COMMD1: variants seen among roughly 807,000 people sequenced by gnomAD.
COMMD1 encodes the protein copper metabolism domain containing 1, also known as COMM domain-containing protein 1.
In COMMD1, 10 loss-of-function variants were observed where a neutral mutation model predicts 17.2. That is an observed-to-expected ratio of 0.58 (90% CI 0.36 to 0.99). COMMD1 has a LOEUF of 0.99. Among genes scored for constraint, COMMD1 ranks in the 50% least tolerant of loss-of-function variants. COMMD1 has a pLI of 0.01. For missense variants in COMMD1, 270 were observed against 231.8 expected, an observed-to-expected ratio of 1.17 and a Z score of -1.07; for synonymous variants, 97 against 91.6, an observed-to-expected ratio of 1.06 and a Z score of -0.34.
rs187737622 is a variant in COMMD1 at position 61,927,782 on chromosome 2, T to G, written c.180+21924T>G. Among the ~76,000 whole-genome samples, 776 of 152,042 alleles carry G rather than the reference T, an allele frequency of 5.1e-3. 10 individuals carry two copies. The highest frequency in any genetic ancestry group is 0.017 in the African/African-American group (695 of 41,446). Reference sequence around the variant, plus strand: ...CAAAACAGTGGCCTTCTGAAGGTTTTGTTTTGTTTTGAGACTGAGTTTCAC... The same window carrying G: ...CAAAACAGTGGCCTTCTGAAGGTTTGGTTTTGTTTTGAGACTGAGTTTCAC... On this transcript the variant is annotated intron_variant, in intron 1 of 2. Transcript: ENST00000311832.
At chr2:62,025,211 C>T (rs1214661011) in intron 2 of COMMD1, among the ~76,000 whole-genome samples, 1 of 151,902 alleles carries the variant, frequency 6.6e-6, no homozygotes, top group Non-Finnish European at 1.5e-5. Flanking sequence ...CAGAGCGAGA[C>T]TCTGCCTCAA....
upstream of COMMD1, among the ~76,000 whole-genome samples, chr2:61,902,266 G>C (rs138862462): frequency 0.064 from 9,694 of 151,932 alleles, 559 homozygotes; most frequent in African/African-American, 0.15. Flanking sequence ...CCAGCACTTT[G>C]GGAGGCCGAG....
intron 1 of COMMD1, among the ~76,000 whole-genome samples, chr2:61,920,833 C>A (rs1234344395): frequency 1.3e-5 from 2 of 151,272 alleles, no homozygotes; most frequent in African/African-American, 2.4e-5. Flanking sequence ...GGAATCCTAA[C>A]CCTTAAAGAT....
intron 1 of COMMD1, among the ~76,000 whole-genome samples, chr2:61,981,334 A>G (rs1329064018): frequency 6.6e-6 from 1 of 152,140 alleles, no homozygotes; most frequent in Non-Finnish European, 1.5e-5. Context: ...GTACATGGCG[A>G]GAGATAGGGG....
chr2:62,096,655 T>C (rs1319777452), intron 2 of COMMD1, among the ~76,000 whole-genome samples: 1 of 152,248 alleles, frequency 6.6e-6, no homozygotes, highest in African/African-American at 2.4e-5. Context: ...TAATTGTTTT[T>C]TAGTTTTGGG....
intron 2 of COMMD1, among the ~76,000 whole-genome samples, chr2:62,125,856 A>G (rs1672871817): frequency 6.6e-6 from 1 of 152,072 alleles, no homozygotes; most frequent in Admixed American, 6.5e-5. Flanking sequence ...TTTGCTACCT[A>G]TCAAACCATC....
At chr2:61,976,349 G>A (rs1213225915) in intron 1 of COMMD1, among the ~76,000 whole-genome samples, 3 of 152,082 alleles carry the variant, frequency 2.0e-5, no homozygotes, top group Admixed American at 6.6e-5. Context: ...CACTAACCAA[G>A]TGAAAGTGGG....
At chr2:62,128,343 A>C (rs999687520) in intron 2 of COMMD1, among the ~76,000 whole-genome samples, 1 of 151,724 alleles carries the variant, frequency 6.6e-6, no homozygotes, top group Non-Finnish European at 1.5e-5. Context: ...AAGAAAAAAA[A>C]AAAACAAAAA....
At chr2:61,949,259 G>A (rs1395690759) in intron 1 of COMMD1, among the ~76,000 whole-genome samples, 1 of 152,222 alleles carries the variant, frequency 6.6e-6, no homozygotes, top group African/African-American at 2.4e-5. Context: ...AGTTGACTGA[G>A]AAATTCCCAT....
At chr2:62,013,761 G>C (rs182286229) in intron 2 of COMMD1, among the ~76,000 whole-genome samples, 29 of 152,282 alleles carry the variant, frequency 1.9e-4, no homozygotes, top group African/African-American at 6.5e-4. Context: ...GACTATGTTA[G>C]CATAATTTGG....
intron 2 of COMMD1, among the ~76,000 whole-genome samples, chr2:62,047,096 G>A (rs545662199): frequency 1.8e-4 from 28 of 152,278 alleles, no homozygotes; most frequent in African/African-American, 6.3e-4. Flanking sequence ...TGGGAAGACA[G>A]AAATGAAGAA....
At position 62,000,728 on chromosome 2, in the gene COMMD1, A is replaced by G; in HGVS notation, c.208A>G (p.Asn70Asp). 1 of 1,614,108 alleles carries G rather than the reference A, an allele frequency of 6.2e-7. No homozygotes were observed. The highest frequency in any genetic ancestry group is 8.5e-7 in the Non-Finnish European group (1 of 1,180,020). The part of the protein sequence containing the change: ...KSIASADMDF[N>D]QLEAFLTAQT... ...TATTGCGTCTGCAGACATGGATTTC[A>G]ACCAGCTGGAGGCATTCTTGACTGC... The change falls in exon 2 of 3, where the codon AAC (asparagine) becomes GAC (aspartate). Residue 70 changes from asparagine (N) to aspartate (D), a missense_variant. Coordinates refer to ENST00000311832, the MANE Select transcript of COMMD1 (RefSeq NM_152516.4).
At chr2:62,108,531 G>A (rs1220777512) in intron 2 of COMMD1, among the ~76,000 whole-genome samples, 2 of 152,074 alleles carry the variant, frequency 1.3e-5, no homozygotes, top group Non-Finnish European at 2.9e-5. Flanking sequence ...GTAAATATAG[G>A]GGTTGTTTTA....
chr2:62,059,544 T>TACGCC, intron 2 of COMMD1, among the ~76,000 whole-genome samples: 2 of 152,152 alleles, frequency 1.3e-5, no homozygotes, highest in South Asian at 4.2e-4. Flanking sequence ...CTCTCCCCAT[T>TACGCC]TTTTCCCCCT....
rs568922460 is a variant in COMMD1 at position 62,000,938 on chromosome 2, A to G, written c.418A>G (p.Thr140Ala). The stretch of plus-strand genomic sequence containing the variant: ...GTCAAGGCACTCAGCTCAAATACAC[A>G]CACCTGTTGCCATTATAGAGCTGGA... Reference protein sequence around the residue: ...SQSRHSAQIHTPVAIIELELG... With the variant: ...SQSRHSAQIHAPVAIIELELG... Residue 140 changes from threonine (T) to alanine (A), a missense_variant, in exon 2 of 3, where the codon ACA (threonine) becomes GCA (alanine). Thr to Ala is a moderately conservative substitution (Grantham distance 58). Transcript: ENST00000311832. 6.2e-7 allele frequency: 1 copy of G among 1,614,066 alleles called. No homozygotes were observed. Among genetic ancestry groups the G allele is most frequent in the Middle Eastern group, 1.6e-4 (1 of 6,062 alleles).
intron 1 of COMMD1, among the ~76,000 whole-genome samples, chr2:61,963,343 A>G (rs887214286): frequency 1.3e-5 from 2 of 151,892 alleles, no homozygotes; most frequent in African/African-American, 4.8e-5. Context: ...CCCTGAATTT[A>G]TAGCCAGTTT....
intron 1 of COMMD1, chr2:61,888,880 G>T: frequency 4.3e-6 from 1 of 233,114 alleles, no homozygotes; most frequent in Non-Finnish European, 8.3e-6. Flanking sequence ...ACCTTGCACG[G>T]CTATGAGGTC....
rs1259854138 is a variant in COMMD1, at chr2:61,905,678, C to T, written c.-1C>T. The T allele has an allele frequency of 1.9e-6, 3 of 1,555,838 alleles. No homozygotes were observed. Among genetic ancestry groups the T allele is most frequent in the African/African-American group, 1.4e-5 (1 of 73,940 alleles). The stretch of plus-strand genomic sequence containing the variant: ...GTTGCGGGGCGGGGCCTTCGCAGAG[C>T]ATGGCGGCGGGCGAGCTTGAGGGTG... On this transcript the variant is annotated 5_prime_UTR_variant, in exon 1 of 3. Transcript: ENST00000311832.
intron 1 of COMMD1, among the ~76,000 whole-genome samples, chr2:61,951,138 GAGGGAAGTTGGATA>G (rs1325394452): frequency 6.6e-6 from 1 of 152,134 alleles, no homozygotes; most frequent in East Asian, 1.9e-4. Flanking sequence ...GGGCTTTCCA[GAGGGAAGTTGGATA>G]AGGGAAGTTC....
Sources: allele counts gnomAD v4.1 joint callset (sites outside exome capture counted in the v4.1 genomes callset), GRCh38; gene constraint gnomAD v4.1.1; transcripts MANE v1.5; gene names NCBI Gene and HGNC (gene_info 2026-07-23, HGNC 2026-07-21).